The following CFAP47 variants were observed in gnomAD, a reference collection of about 807,000 sequenced individuals.
CFAP47 encodes cilia and flagella associated protein 47.
CFAP47 carries 29 observed loss-of-function variants against 148.1 expected under a neutral mutation model. That is an observed-to-expected ratio of 0.20 (90% confidence interval 0.15 to 0.27). CFAP47 has a LOEUF of 0.27. Among genes scored for constraint, CFAP47 ranks in the 10% least tolerant of loss-of-function variants. The pLI is 1.00. For synonymous variants in CFAP47, 664 were observed against 577.3 expected (o/e 1.15, Z -2.15); for missense variants, 1,872 against 1,697.5 (o/e 1.10, Z -1.81).
chrX:36,313,232 TAAAGG>T (rs2146964446), intron 56 of CFAP47, among the ~76,000 whole-genome samples: 1 of 111,614 alleles, frequency 9.0e-6, no homozygotes. Flanking sequence ...TGGTAATTTA[TAAAGG>T]AAAGAGGTTT....
chrX:36,361,453 G>C lies in CFAP47; in HGVS notation c.8975G>C (p.Arg2992Thr). 1 of 1,086,892 alleles carries C rather than the reference G, an allele frequency of 9.2e-7. No homozygotes were observed. Among genetic ancestry groups the C allele is most frequent in the Non-Finnish European group, 1.2e-6 (1 of 811,271 alleles). 89.6% of individuals were successfully genotyped at this position (1,086,892 alleles called of 1,213,427 possible). ...IEKSYDIMAK[R>T]ITFIFNLVFT... ...AAATCTTATGATATTATGGCTAAAA[G>C]GATAACATTTATCTTCAATCTGGTA... The change falls in exon 61 of 64, where the codon AGG (arginine) becomes ACG (threonine). Residue 2992 changes from arginine to threonine, a missense_variant. By Grantham distance (71) the Arg-to-Thr change is moderately conservative (BLOSUM62 -1). Transcript: ENST00000378653.
intron 56 of CFAP47, among the ~76,000 whole-genome samples, chrX:36,317,375 G>A (rs1391925257): frequency 9.1e-6 from 1 of 109,963 alleles, no homozygotes; most frequent in Non-Finnish European, 1.9e-5. Flanking sequence ...TTTTGGCAGG[G>A]AAGTTGGGGT....
rs967065796 is a variant in CFAP47 at position 36,191,047 on chromosome X, A to G, written c.6321+851A>G. ...TTTACATGTGAAAAATAATATACCT[A>G]TTAGAAATGTAAAATATAGTTTAAT... On this transcript the variant is annotated intron_variant, in intron 42 of 63. Coordinates refer to ENST00000378653, the MANE Select transcript of CFAP47 (RefSeq NM_001304548.2). 8.9e-5 allele frequency among the ~76,000 whole-genome samples: 10 copies of G among 111,890 alleles called. No individual in the cohort carries two copies. The East Asian group carries it at 2.5e-3, about 28-fold the overall frequency.
chrX:36,371,551 A>G (rs1039484595), intron 62 of CFAP47, among the ~76,000 whole-genome samples: 1 of 103,107 alleles, frequency 9.7e-6, no homozygotes, highest in Non-Finnish European at 2.0e-5. Flanking sequence ...ACATATGTGT[A>G]TATATATGTG....
At chrX:36,007,877 T>A (rs1366779228) in intron 21 of CFAP47, among the ~76,000 whole-genome samples, 1 of 111,502 alleles carries the variant, frequency 9.0e-6, no homozygotes, top group Non-Finnish European at 1.9e-5. Flanking sequence ...AAAGGCTTCA[T>A]ACTTAAAAAA....
chrX:36,296,799 T>A (rs1285584448), intron 51 of CFAP47, among the ~76,000 whole-genome samples: 15 of 111,925 alleles, frequency 1.3e-4, no homozygotes. Context: ...GGGTTGATAG[T>A]ATGTGTTACC....
At chrX:36,211,453 A>G (rs1940099465) in intron 45 of CFAP47, 1 of 261,413 alleles carries the variant, frequency 3.8e-6, no homozygotes, top group Non-Finnish European at 7.2e-6. Context: ...CCAAAAACCA[A>G]AGGAGAACAT....
intron 54 of CFAP47, among the ~76,000 whole-genome samples, chrX:36,304,893 C>T (rs1214465122): frequency 2.7e-5 from 3 of 112,108 alleles, no homozygotes; most frequent in Non-Finnish European, 5.6e-5. Context: ...CATAGGACAC[C>T]ATTTATTTGC....
chrX:36,137,978 T>C lies in CFAP47; in HGVS notation c.5341T>C (p.Trp1781Arg). 2 of 799,126 alleles carry C rather than the reference T, an allele frequency of 2.5e-6. No homozygotes were observed. Among genetic ancestry groups the C allele is most frequent in the Middle Eastern group, 5.6e-4 (2 of 3,572 alleles). The allele number at this position is 799,126 out of a possible 1,213,427, so 65.9% of individuals were successfully genotyped here. The change falls in exon 34 of 64, where the codon TGG becomes CGG. Residue 1781 changes from tryptophan to arginine, a missense_variant. Coordinates refer to ENST00000378653, the MANE Select transcript of CFAP47 (RefSeq NM_001304548.2). ...CHKDVIPSER[W>R]IVNFDKDLSD... is the part of the protein sequence containing the mutation. ...AACAGATGTTATCCCTTCTGAGAGA[T>C]GGATAGTAAATTTTGACAAAGACCT...
intron 29 of CFAP47, among the ~76,000 whole-genome samples, chrX:36,075,112 T>G (rs897234334): frequency 4.5e-5 from 5 of 111,758 alleles, no homozygotes; most frequent in African/African-American, 9.7e-5. Flanking sequence ...ACTGATTTCA[T>G]TTACTTTAAA....
intron 49 of CFAP47, among the ~76,000 whole-genome samples, chrX:36,266,928 C>T (rs1490708003): frequency 2.7e-5 from 3 of 111,151 alleles, no homozygotes; most frequent in African/African-American, 9.8e-5. Context: ...ATCCCAACAT[C>T]TGGGCCCTCT....
At chrX:35,972,760 T>A (rs1675761236) in intron 13 of CFAP47, among the ~76,000 whole-genome samples, 1 of 111,821 alleles carries the variant, frequency 8.9e-6, no homozygotes, top group Non-Finnish European at 1.9e-5. Context: ...ACTTTGTTTA[T>A]CAATTCCCCA....
intron 55 of CFAP47, among the ~76,000 whole-genome samples, chrX:36,309,359 T>C (rs1455101821): frequency 2.7e-5 from 3 of 111,530 alleles, no homozygotes; most frequent in Non-Finnish European, 3.8e-5. Flanking sequence ...GAGCTCAGTG[T>C]GCAAACTAGA....
chrX:36,346,629 A>G (rs1337784857), intron 57 of CFAP47, among the ~76,000 whole-genome samples: 3 of 111,693 alleles, frequency 2.7e-5, no homozygotes, highest in African/African-American at 9.7e-5. Context: ...TAAAGAATCA[A>G]AAATTGCTGT....
intron 57 of CFAP47, among the ~76,000 whole-genome samples, chrX:36,330,022 G>A (rs1189685348): frequency 8.9e-6 from 1 of 111,995 alleles, no homozygotes; most frequent in African/African-American, 3.2e-5. Context: ...CAAAGCATTG[G>A]ATAAATCTAT....
At chrX:36,283,313 T>G (rs1352155294) in intron 50 of CFAP47, among the ~76,000 whole-genome samples, 2 of 111,679 alleles carry the variant, frequency 1.8e-5, no homozygotes, top group Non-Finnish European at 3.8e-5. Flanking sequence ...AATAAATCAT[T>G]CACCAATCCC....
chrX:36,210,411 G>A (rs1035070511), intron 45 of CFAP47, among the ~76,000 whole-genome samples: 2 of 112,264 alleles, frequency 1.8e-5, no homozygotes, highest in Non-Finnish European at 3.8e-5. Context: ...GTGAGCAGAA[G>A]TAGTGTCTCA....
At chrX:36,249,975 A>C (rs1447155902) in intron 48 of CFAP47, among the ~76,000 whole-genome samples, 1 of 111,200 alleles carries the variant, frequency 9.0e-6, no homozygotes, top group Non-Finnish European at 1.9e-5. Flanking sequence ...TGGGAGTGTA[A>C]ATTAGTACAG....
intron 45 of CFAP47, among the ~76,000 whole-genome samples, chrX:36,226,733 T>G (rs73629594): frequency 0.011 from 1,265 of 111,260 alleles, 25 homozygotes; most frequent in African/African-American, 0.038. Flanking sequence ...GGCTTTAACT[T>G]TCAGACTCAG....
Sources: allele counts gnomAD v4.1 joint callset (sites outside exome capture counted in the v4.1 genomes callset), GRCh38; gene constraint gnomAD v4.1.1; transcripts MANE v1.5; gene names NCBI Gene and HGNC (gene_info 2026-07-23, HGNC 2026-07-21).